INO80: variants seen among roughly 807,000 people sequenced by gnomAD.
INO80 encodes INO80 complex ATPase subunit.
INO80 carries 20 observed loss-of-function variants against 203.4 expected under a neutral mutation model. The ratio of observed to expected loss-of-function variants is 0.10; its 90% CI spans 0.07 to 0.14. The LOEUF is 0.14. Among genes scored for constraint, INO80 ranks in the 10% least tolerant of loss-of-function variants. The pLI is 1.00. For missense variants in INO80, 1,419 were observed against 1,914.4 expected, an observed-to-expected ratio of 0.74 and a Z score of 4.83; for synonymous variants, 726 against 685.2, an observed-to-expected ratio of 1.06 and a Z score of -0.93.
chr15:41,061,060 A>G (rs2045095845), intron 14 of INO80, among the ~76,000 whole-genome samples: 1 of 152,216 alleles, frequency 6.6e-6, no homozygotes, highest in African/African-American at 2.4e-5. Flanking sequence ...TAATCCCAGC[A>G]TTTTGGGAGA....
chr15:41,029,866 A>G (rs955481805), intron 24 of INO80, among the ~76,000 whole-genome samples: 1 of 152,238 alleles, frequency 6.6e-6, no homozygotes, highest in Non-Finnish European at 1.5e-5. Context: ...GCAGTAGCCC[A>G]TCTTGCTCCC....
intron 13 of INO80, 101 bp from the exon 14 acceptor site, chr15:41,069,766 T>A: frequency 1.5e-6 from 1 of 669,174 alleles, no homozygotes; most frequent in Non-Finnish European, 2.6e-6. Context: ...AGGAAACAAA[T>A]AACAAGAGAA....
At position 41,044,996 on chromosome 15, in the gene INO80, T is replaced by A; in HGVS notation, c.2815A>T (p.Ser939Cys). 6.2e-7 allele frequency: 1 copy of A among 1,613,970 alleles called. No individual in the cohort carries two copies. Among genetic ancestry groups the A allele is most frequent in the South Asian group, 1.1e-5 (1 of 91,058 alleles). ...TTGTTCCTCAGGTATCTCTGGTGGC[T>A]CTCCCCTTCTGGCGCTCCCCAGGAG... ...LRSWGAPEGE[S>C]HQRYLRNKDF... is the part of the protein sequence containing the mutation. The change falls in exon 24 of 36, where the codon AGC becomes TGC. Residue 939 changes from serine to cysteine, a missense_variant. Ser to Cys is a moderately radical substitution (Grantham distance 112). Transcript: ENST00000648947.
intron 25 of INO80, among the ~76,000 whole-genome samples, chr15:41,025,158 A>G (rs573992562): frequency 6.6e-5 from 10 of 152,316 alleles, no homozygotes; most frequent in African/African-American, 2.4e-4. Flanking sequence ...TGTTCACAGC[A>G]ATTAGAGTTT....
intron 26 of INO80, among the ~76,000 whole-genome samples, chr15:41,019,034 C>T (rs754751796): frequency 2.0e-5 from 3 of 152,174 alleles, no homozygotes; most frequent in African/African-American, 7.2e-5. Flanking sequence ...TTACCATCCA[C>T]GGTGTAAGAT....
intron 4 of INO80, among the ~76,000 whole-genome samples, chr15:41,093,253 T>G (rs531903675): frequency 8.2e-4 from 125 of 151,728 alleles, no homozygotes; most frequent in South Asian, 2.3e-3. Flanking sequence ...GGTGAAACCC[T>G]GTCTCTACTA....
chr15:41,070,703 C>A (rs965328061), intron 12 of INO80, among the ~76,000 whole-genome samples, 156 bp from the exon 13 acceptor site: 2 of 152,220 alleles, frequency 1.3e-5, no homozygotes, highest in African/African-American at 4.8e-5. Flanking sequence ...ATAGTAATTG[C>A]TTTTGCCAAT....
chr15:41,088,246 C>T (rs147668602), intron 5 of INO80, among the ~76,000 whole-genome samples: 3,093 of 152,000 alleles, frequency 0.02, 56 homozygotes, highest in Non-Finnish European at 0.032. Context: ...CACGCCACCA[C>T]ACCCAGCTGA....
rs150522914 is a variant in INO80, at chr15:41,060,650, A to G, written c.1783-724T>C. ...GTAACCAGCCACATCCCTGGCTTTA[A>G]GTTGGAAGTCAAAGGCTACAAGGTA... On this transcript the variant is annotated intron_variant, in intron 14 of 35. Transcript: ENST00000648947. Among the ~76,000 whole-genome samples, 3 of 152,362 alleles carry G rather than the reference A, an allele frequency of 2.0e-5. No homozygotes were observed. The East Asian group carries it at 5.8e-4, about 29-fold the overall frequency.
intron 1 of INO80, among the ~76,000 whole-genome samples, chr15:41,101,582 C>T (rs2045808041): frequency 6.7e-6 from 1 of 149,594 alleles, no homozygotes; most frequent in Non-Finnish European, 1.5e-5. Flanking sequence ...CAGAGTCTTG[C>T]TCTGTCACCC....
Position 41,021,075 on chromosome 15 carries a change from A to G in INO80, c.3099T>C (p.Tyr1033=). Residue 1033 remains tyrosine, a synonymous_variant, in exon 26 of 36, where the codon TAT becomes TAC. Coordinates refer to ENST00000648947, the MANE Select transcript of INO80 (RefSeq NM_017553.3). ...DSYCNDRSAE[Y]ERRVLKEGGS... is the part of the protein sequence containing the mutation. Reference sequence around the variant, plus strand: ...CTCCTTCCTTCAGAACTCGCCTTTCATATTCTGCACTTCGGTCATTGCAGT... The same window carrying G: ...CTCCTTCCTTCAGAACTCGCCTTTCGTATTCTGCACTTCGGTCATTGCAGT... 2 of 1,614,210 alleles carry G rather than the reference A, an allele frequency of 1.2e-6. No homozygotes were observed. Among genetic ancestry groups the G allele is most frequent in the East Asian group, 2.2e-5 (1 of 44,886 alleles).
intron 24 of INO80, among the ~76,000 whole-genome samples, chr15:41,028,313 T>A (rs2044408118): frequency 6.6e-6 from 1 of 152,146 alleles, no homozygotes; most frequent in Non-Finnish European, 1.5e-5. Flanking sequence ...TTGTTGCATT[T>A]TTGGTAGAGA....
At chr15:41,073,306 C>A in intron 11 of INO80, 122 bp downstream of exon 11, 1 of 833,346 alleles carries the variant, frequency 1.2e-6, no homozygotes. Context: ...CACACATATA[C>A]ACAAGCTAGT....
chr15:41,056,295 A>C (rs932833884), intron 17 of INO80, among the ~76,000 whole-genome samples: 14 of 152,110 alleles, frequency 9.2e-5, no homozygotes, highest in African/African-American at 2.9e-4. Flanking sequence ...AACTCCCCCC[A>C]AAAATTTTAG....
At chr15:41,085,221 G>T (rs1004955594) in intron 7 of INO80, 148 bp downstream of exon 7, 3 of 692,634 alleles carry the variant, frequency 4.3e-6, no homozygotes, top group African/African-American at 3.6e-5. Context: ...AACTGAAAGA[G>T]TACTACTCAG....
chr15:41,032,636 A>T (rs2044507676), intron 24 of INO80, among the ~76,000 whole-genome samples: 1 of 152,172 alleles, frequency 6.6e-6, no homozygotes, highest in Non-Finnish European at 1.5e-5. Context: ...AACATATGCC[A>T]CTCTCTTCAA....
chr15:41,011,144 T>C (rs2044128574), intron 27 of INO80, among the ~76,000 whole-genome samples: 2 of 152,252 alleles, frequency 1.3e-5, no homozygotes, highest in South Asian at 4.1e-4. Context: ...CTTGTACCTT[T>C]CTATCTCTCT....
intron 25 of INO80, among the ~76,000 whole-genome samples, chr15:41,026,691 A>G (rs767445359): frequency 6.6e-6 from 1 of 152,248 alleles, no homozygotes; most frequent in African/African-American, 2.4e-5. Flanking sequence ...TGGCTAACGG[A>G]AAGTTGCCTC....
At position 41,081,056 on chromosome 15, in the gene INO80, A is replaced by T; in HGVS notation, c.891T>A (p.Ala297=). The change falls in exon 8 of 36, where the codon GCT becomes GCA. Residue 297 remains alanine, a synonymous_variant. Transcript: ENST00000648947. ...TGGTGAGAAACAGGTTACGAGCTGA[A>T]GCTTTCTGCTTATTTGCCTAAAATA... ...KELPKANKQK[A]SARNLFLTNS... The T allele has an allele frequency of 6.3e-7, 1 of 1,599,230 alleles. No homozygotes were observed. The highest frequency in any genetic ancestry group is 8.6e-7 in the Non-Finnish European group (1 of 1,166,956).
Sources: gnomAD v4.1 joint callset for allele counts (sites outside exome capture counted in the v4.1 genomes callset) on GRCh38, gnomAD v4.1.1 for gene constraint, MANE v1.5 for transcripts, NCBI Gene and HGNC (gene_info 2026-07-23, HGNC 2026-07-21) for gene names.